Variants in KCNIP4 observed in about 807,000 individuals in gnomAD.
KCNIP4 encodes Kv channel-interacting protein 4.
A neutral mutation model predicts 34.0 loss-of-function variants in KCNIP4; 12 were observed. The ratio of observed to expected loss-of-function variants is 0.35; its 90% CI spans 0.23 to 0.57. The LOEUF is 0.57. KCNIP4 is among the 20% of genes least tolerant of loss of function. The probability of loss-of-function intolerance (pLI) is 0.83; values close to 1 mark genes in which losing one functional copy is unlikely to be tolerated. For synonymous variants in KCNIP4, 124 were observed against 102.2 expected, an observed-to-expected ratio of 1.21 and a Z score of -1.29; for missense variants, 238 against 311.7, an observed-to-expected ratio of 0.76 and a Z score of 1.78.
intron 3 of KCNIP4, among the ~76,000 whole-genome samples, chr4:20,837,830 C>T (rs1440742579): frequency 6.7e-6 from 1 of 150,314 alleles, no homozygotes; most frequent in African/African-American, 2.5e-5. Flanking sequence ...TACAGGCATA[C>T]ATCACTATGC....
intron 3 of KCNIP4, among the ~76,000 whole-genome samples, chr4:20,801,176 C>T (rs898964106): frequency 1.8e-4 from 28 of 151,712 alleles, no homozygotes; most frequent in Admixed American, 7.2e-4. Context: ...CTGTTATACC[C>T]GGCAGAGCTA....
intron 1 of KCNIP4, among the ~76,000 whole-genome samples, chr4:21,545,330 C>T (rs1738050894): frequency 6.6e-6 from 1 of 152,240 alleles, no homozygotes; most frequent in South Asian, 2.1e-4. Context: ...GGGCAATCAG[C>T]AGCCCTCGGG....
In KCNIP4 at chr4:21,463,343, C is replaced by T. The variant is rs181839170; in HGVS notation, c.61+485228G>A. 7.2e-5 allele frequency among the ~76,000 whole-genome samples: 11 copies of T among 151,922 alleles called. No individual in the cohort carries two copies. The East Asian group carries it at 7.7e-4, about 11-fold the overall frequency. ...TTGAGAAATGTCTAGTCAGGTCTTT[C>T]GCCTATTTTTAAACCAGATTATTTG... On this transcript the variant is annotated intron_variant, in intron 1 of 8. Transcript: ENST00000382152.
intron 1 of KCNIP4, among the ~76,000 whole-genome samples, chr4:21,472,773 A>G (rs1262191949): frequency 6.6e-6 from 1 of 152,158 alleles, no homozygotes; most frequent in African/African-American, 2.4e-5. Flanking sequence ...CTCTAATTAA[A>G]TGTATGAACA....
intron 1 of KCNIP4, among the ~76,000 whole-genome samples, chr4:21,329,696 T>A (rs1715428699): frequency 1.3e-5 from 2 of 152,248 alleles, no homozygotes; most frequent in Non-Finnish European, 2.9e-5. Flanking sequence ...ACATTAGGTC[T>A]TGAAGAATGA....
chr4:21,200,384 A>ATATATATATACACACATATATGTGTG (rs1756401881), intron 1 of KCNIP4, among the ~76,000 whole-genome samples: 2 of 39,006 alleles, frequency 5.1e-5, no homozygotes, highest in African/African-American at 5.1e-4. Flanking sequence ...ATATGTGTGT[A>ATATATATATACACACATATATGTGTG]TATATATATA....
chr4:21,846,822 G>A (rs1396990750), intron 1 of KCNIP4: 2 of 152,098 alleles, frequency 1.3e-5, no homozygotes, highest in Non-Finnish European at 2.9e-5. Context: ...GGCAACCCCA[G>A]ATCCCTATAC....
intron 1 of KCNIP4, among the ~76,000 whole-genome samples, chr4:21,853,831 C>T (rs1390773245): frequency 6.6e-6 from 1 of 152,202 alleles, no homozygotes; most frequent in African/African-American, 2.4e-5. Context: ...ACAGGCAAGT[C>T]ACTTAACCTC....
chr4:21,373,088 A>AT (rs1720640169), intron 1 of KCNIP4, among the ~76,000 whole-genome samples: 1 of 146,912 alleles, frequency 6.8e-6, no homozygotes, highest in South Asian at 2.1e-4. Flanking sequence ...GATTAAAAAA[A>AT]ATTTTCTAAT....
intron 1 of KCNIP4, among the ~76,000 whole-genome samples, chr4:21,227,449 C>G (rs1758483355): frequency 6.6e-6 from 1 of 152,140 alleles, no homozygotes; most frequent in South Asian, 2.1e-4. Context: ...TTAACTTCCC[C>G]CTGTCTGTAT....
chr4:21,308,698 C>T (rs1712768999), intron 1 of KCNIP4, among the ~76,000 whole-genome samples: 1 of 135,876 alleles, frequency 7.4e-6, no homozygotes, highest in Non-Finnish European at 1.6e-5. Context: ...AAGTTCTGTG[C>T]CCCTGCCGTG....
chr4:21,291,874 AG>A (rs1763517223), intron 1 of KCNIP4, among the ~76,000 whole-genome samples: 21 of 16,542 alleles, frequency 1.3e-3, no homozygotes, highest in African/African-American at 5.2e-3. Context: ...AAAAAAAGAA[AG>A]AAAGAAAGAA....
chr4:21,476,640 T>C (rs1213192070), intron 1 of KCNIP4, among the ~76,000 whole-genome samples: 1 of 152,164 alleles, frequency 6.6e-6, no homozygotes, highest in Non-Finnish European at 1.5e-5. Flanking sequence ...GGCAACCCAA[T>C]AAATCCCTAT....
intron 1 of KCNIP4, among the ~76,000 whole-genome samples, chr4:21,781,193 T>C (rs1440159234): frequency 6.6e-6 from 1 of 152,136 alleles, no homozygotes; most frequent in African/African-American, 2.4e-5. Context: ...TGAGCAAGTT[T>C]TCACAAAATC....
At chr4:21,075,491 G>A (rs937842183) in intron 1 of KCNIP4, among the ~76,000 whole-genome samples, 3 of 151,692 alleles carry the variant, frequency 2.0e-5, no homozygotes, top group Non-Finnish European at 2.9e-5. Context: ...CCATTTGCTT[G>A]GTAGATCTTC....
intron 1 of KCNIP4, among the ~76,000 whole-genome samples, chr4:21,917,085 G>A (rs1728671573): frequency 6.6e-6 from 1 of 152,112 alleles, no homozygotes; most frequent in Non-Finnish European, 1.5e-5. Flanking sequence ...GTGTGATCAT[G>A]TCATTAATGA....
At chr4:20,778,177 T>C (rs953992018) in intron 3 of KCNIP4, among the ~76,000 whole-genome samples, 1 of 152,220 alleles carries the variant, frequency 6.6e-6, no homozygotes, top group Non-Finnish European at 1.5e-5. Context: ...ACAGGCTGTG[T>C]AGGCTTGCAT....
intron 1 of KCNIP4, among the ~76,000 whole-genome samples, chr4:21,906,726 G>A (rs1392188238): frequency 1.3e-5 from 2 of 152,122 alleles, no homozygotes; most frequent in Non-Finnish European, 2.9e-5. Flanking sequence ...ACATAAGGAA[G>A]AAAATCTTTA....
intron 1 of KCNIP4, among the ~76,000 whole-genome samples, chr4:21,564,363 C>T (rs1173552604): frequency 2.0e-5 from 3 of 152,184 alleles, no homozygotes; most frequent in African/African-American, 7.2e-5. Flanking sequence ...TCCAGCCCTC[C>T]AACACCCACT....
Sources: allele counts gnomAD v4.1 joint callset (sites outside exome capture counted in the v4.1 genomes callset), GRCh38; gene constraint gnomAD v4.1.1; transcripts MANE v1.5; gene names NCBI Gene and HGNC (gene_info 2026-07-23, HGNC 2026-07-21).